AUTS2: variants seen among roughly 807,000 people sequenced by gnomAD.
AUTS2 encodes activator of transcription and developmental regulator AUTS2, also known as autism susceptibility gene 2 protein.
Under a neutral mutation model 112.4 loss-of-function variants are expected in AUTS2, and 17 were observed. The observed-to-expected ratio is 0.15, with a 90% CI of 0.10 to 0.23. The LOEUF is 0.23. Ranked by LOEUF, AUTS2 falls within the 10% of genes least tolerant of loss-of-function variation. The pLI is 1.00. For missense variants in AUTS2, 1,510 were observed against 1,701.6 expected (o/e 0.89, Z 1.98); for synonymous variants, 751 against 702.7 (o/e 1.07, Z -1.09).
intron 4 of AUTS2, among the ~76,000 whole-genome samples, chr7:70,349,671 T>C (rs1168972148): frequency 1.3e-5 from 2 of 152,048 alleles, no homozygotes; most frequent in Non-Finnish European, 2.9e-5. Flanking sequence ...TTTTTTTTTC[T>C]TCACATGGTG....
intron 1 of AUTS2, among the ~76,000 whole-genome samples, chr7:69,712,051 C>T (rs1562828702): frequency 1.3e-5 from 2 of 152,292 alleles, no homozygotes; most frequent in South Asian, 4.1e-4. Flanking sequence ...GGCATCAATT[C>T]AGTATAATAC....
intron 5 of AUTS2, among the ~76,000 whole-genome samples, chr7:70,457,465 G>A (rs1332877625): frequency 6.6e-6 from 1 of 152,146 alleles, no homozygotes; most frequent in African/African-American, 2.4e-5. Flanking sequence ...CACCTGAGGA[G>A]GGAACTTCTC....
intron 5 of AUTS2, among the ~76,000 whole-genome samples, chr7:70,654,887 CT>C (rs1282727987): frequency 6.6e-6 from 1 of 152,180 alleles, no homozygotes; most frequent in Non-Finnish European, 1.5e-5. Context: ...CCTCACTTCT[CT>C]TTTTAAATTG....
chr7:70,407,837 G>A (rs1794603518), intron 4 of AUTS2, among the ~76,000 whole-genome samples: 1 of 152,020 alleles, frequency 6.6e-6, no homozygotes, highest in Non-Finnish European at 1.5e-5. Context: ...GGCGGATCAT[G>A]GGGTCAGGAG....
At chr7:69,800,497 C>G (rs1294747274) in intron 1 of AUTS2, among the ~76,000 whole-genome samples, 1 of 152,200 alleles carries the variant, frequency 6.6e-6, no homozygotes. Context: ...CCCCTAACAT[C>G]TGGCACACTA....
chr7:70,145,065 C>A (rs1807060632), intron 4 of AUTS2, among the ~76,000 whole-genome samples: 1 of 152,072 alleles, frequency 6.6e-6, no homozygotes, highest in Non-Finnish European at 1.5e-5. Context: ...GTCTTTGTGG[C>A]AGTTAAATTT....
intron 2 of AUTS2, 119 bp from the exon 3 acceptor site, chr7:70,118,013 G>A (rs1262492672): frequency 9.6e-6 from 12 of 1,251,846 alleles, no homozygotes; most frequent in Middle Eastern, 4.0e-4. Context: ...CTCCGAAAGT[G>A]CTGGGATTAC....
At chr7:70,178,138 A>G (rs1178568769) in intron 4 of AUTS2, among the ~76,000 whole-genome samples, 2 of 151,624 alleles carry the variant, frequency 1.3e-5, no homozygotes, top group Admixed American at 6.6e-5. Flanking sequence ...TTTATTTGTC[A>G]TTCCTGGAAA....
chr7:69,785,251 A>G (rs550343968), intron 1 of AUTS2, among the ~76,000 whole-genome samples: 1 of 152,354 alleles, frequency 6.6e-6, no homozygotes, highest in South Asian at 2.1e-4. Context: ...AGGGTTTTCC[A>G]AGGATTTAGC....
intron 4 of AUTS2, among the ~76,000 whole-genome samples, chr7:70,413,597 G>A (rs184045972): frequency 3.9e-4 from 59 of 152,286 alleles, no homozygotes; most frequent in African/African-American, 1.3e-3. Flanking sequence ...GTATAAACCC[G>A]CAATGTCTTC....
chr7:69,805,046 T>G (rs1790241499), intron 1 of AUTS2, among the ~76,000 whole-genome samples: 8 of 152,220 alleles, frequency 5.3e-5, no homozygotes, highest in Admixed American at 5.2e-4. Context: ...TATATCTTCC[T>G]TTAAACTCTT....
At chr7:70,091,661 C>T (rs1456137167) in intron 2 of AUTS2, among the ~76,000 whole-genome samples, 1 of 152,116 alleles carries the variant, frequency 6.6e-6, no homozygotes, top group African/African-American at 2.4e-5. Flanking sequence ...TTTTGGCTTT[C>T]CTACCTCCTG....
chr7:70,364,890 G>A (rs1254524762), intron 4 of AUTS2, among the ~76,000 whole-genome samples: 1 of 152,118 alleles, frequency 6.6e-6, no homozygotes, highest in Non-Finnish European at 1.5e-5. Context: ...GATAAGTCTT[G>A]ATACTAAAAT....
chr7:69,857,977 C>T (rs531338663), intron 1 of AUTS2, among the ~76,000 whole-genome samples: 93 of 152,292 alleles, frequency 6.1e-4, no homozygotes, highest in African/African-American at 2.2e-3. Context: ...GCCTTATGGG[C>T]AGTCTGATGG....
At chr7:69,716,975 C>T (rs1405549915) in intron 1 of AUTS2, among the ~76,000 whole-genome samples, 1 of 152,158 alleles carries the variant, frequency 6.6e-6, no homozygotes, top group African/African-American at 2.4e-5. Flanking sequence ...TGTCACCCTT[C>T]TGGAAACTGC....
intron 2 of AUTS2, among the ~76,000 whole-genome samples, chr7:70,090,963 A>C (rs761450795): frequency 6.6e-5 from 10 of 152,192 alleles, no homozygotes; most frequent in Non-Finnish European, 1.2e-4. Context: ...TACAGGCATG[A>C]ACTGCCACAC....
At chr7:69,925,410 G>A (rs1375376507) in intron 2 of AUTS2, among the ~76,000 whole-genome samples, 1 of 152,044 alleles carries the variant, frequency 6.6e-6, no homozygotes, top group African/African-American at 2.4e-5. Context: ...TATTACTTTA[G>A]CAGCACCCCA....
In AUTS2 at chr7:69,785,386, A is replaced by G. The variant is rs1777266987; in HGVS notation, c.310-113900A>G. ...GGTCTGCTTTTTACAAAATTGCTATAAAATTGTTCTGTGTGATTGAGAGGC... is the reference window on the plus strand; with the variant it reads ...GGTCTGCTTTTTACAAAATTGCTATGAAATTGTTCTGTGTGATTGAGAGGC... On this transcript the variant is annotated intron_variant, in intron 1 of 18. Transcript: ENST00000342771. 1.3e-5 allele frequency among the ~76,000 whole-genome samples: 2 copies of G among 152,212 alleles called. 1 individual carries two copies. Among genetic ancestry groups the G allele is most frequent in the South Asian group, 4.1e-4 (2 of 4,836 alleles).
intron 2 of AUTS2, among the ~76,000 whole-genome samples, chr7:69,992,804 G>A (rs1798793562): frequency 6.6e-6 from 1 of 152,188 alleles, no homozygotes; most frequent in African/African-American, 2.4e-5. Flanking sequence ...AGGATCGCTT[G>A]AGCCCAGGAG....
Sources: allele counts gnomAD v4.1 joint callset (sites outside exome capture counted in the v4.1 genomes callset), GRCh38; gene constraint gnomAD v4.1.1; transcripts MANE v1.5; gene names NCBI Gene and HGNC (gene_info 2026-07-23, HGNC 2026-07-21).